Variants in R3HCC1L observed in about 807,000 individuals in gnomAD.
R3HCC1L encodes coiled-coil domain-containing protein R3HCC1L.
A neutral mutation model predicts 59.9 loss-of-function variants in R3HCC1L; 51 were observed. That is an observed-to-expected ratio of 0.85 (90% CI 0.68 to 1.07). The LOEUF (loss-of-function observed/expected upper bound fraction) is 1.07, where lower values mean the gene tolerates loss of function less well. Ranked by LOEUF, R3HCC1L falls within the 50% of genes least tolerant of loss-of-function variation. The pLI is 0.00. For missense variants in R3HCC1L, 965 were observed against 933.0 expected, an observed-to-expected ratio of 1.03 and a Z score of -0.45; for synonymous variants, 322 against 315.2, an observed-to-expected ratio of 1.02 and a Z score of -0.23.
intron 5 of R3HCC1L, among the ~76,000 whole-genome samples, chr10:98,212,000 G>C (rs981255302): frequency 2.6e-5 from 4 of 152,152 alleles, no homozygotes; most frequent in Non-Finnish European, 5.9e-5. Flanking sequence ...TTAAGCTGAA[G>C]ATGGACAGTG....
At chr10:98,210,905 TG>T (rs1463969979) in intron 5 of R3HCC1L, among the ~76,000 whole-genome samples, 1 of 152,188 alleles carries the variant, frequency 6.6e-6, no homozygotes, top group African/African-American at 2.4e-5. Context: ...ATCACATGCC[TG>T]TAAAAGAGCC....
chr10:98,179,634 A>G (rs1447826939), intron 4 of R3HCC1L, among the ~76,000 whole-genome samples: 2 of 152,162 alleles, frequency 1.3e-5, no homozygotes, highest in African/African-American at 2.4e-5. Context: ...TGTCGGAAGG[A>G]ATGGTACCAG....
intron 4 of R3HCC1L, among the ~76,000 whole-genome samples, chr10:98,181,892 T>A (rs1028346157): frequency 3.3e-5 from 5 of 152,338 alleles, no homozygotes; most frequent in African/African-American, 1.2e-4. Flanking sequence ...CTATACTGTT[T>A]ATTCTAGTTA....
rs139123653 is a variant in R3HCC1L, at chr10:98,226,903, T to G, written c.1786-4609T>G. The stretch of plus-strand genomic sequence containing the variant: ...AACAGTTTATGTATTCTGTTTCTCT[T>G]TGGGAGAGACTTGTCATTGTATGGA... On this transcript the variant is annotated intron_variant, in intron 5 of 9. Coordinates refer to ENST00000298999, the MANE Select transcript of R3HCC1L (RefSeq NM_001351015.2). Among the ~76,000 whole-genome samples the G allele has an allele frequency of 4.9e-3, 745 of 152,366 alleles. 11 individuals carry two copies. The highest frequency in any genetic ancestry group is 0.016 in the African/African-American group (684 of 41,584).
chr10:98,159,602 T>A (rs1175529033), intron 2 of R3HCC1L, among the ~76,000 whole-genome samples: 1 of 152,240 alleles, frequency 6.6e-6, no homozygotes, highest in Non-Finnish European at 1.5e-5. Context: ...CTGCCTAATT[T>A]TCATAATGGT....
chr10:98,195,830 T>A (rs1444245901), intron 4 of R3HCC1L, among the ~76,000 whole-genome samples: 1 of 152,202 alleles, frequency 6.6e-6, no homozygotes, highest in Non-Finnish European at 1.5e-5. Context: ...AAATATTAGC[T>A]GCTATATCCA....
chr10:98,230,079 G>A (rs1190153784), intron 5 of R3HCC1L, among the ~76,000 whole-genome samples: 3 of 152,282 alleles, frequency 2.0e-5, no homozygotes, highest in East Asian at 3.9e-4. Context: ...TTGGTATCAG[G>A]ATGATGCTGG....
At chr10:98,166,617 T>C (rs1360434742) in intron 4 of R3HCC1L, among the ~76,000 whole-genome samples, 1 of 152,196 alleles carries the variant, frequency 6.6e-6, no homozygotes, top group Non-Finnish European at 1.5e-5. Context: ...GTTTCTATCA[T>C]TTACTGCTTT....
chr10:98,242,370 C>T (rs1427738693), intron 9 of R3HCC1L, among the ~76,000 whole-genome samples: 2 of 152,130 alleles, frequency 1.3e-5, no homozygotes, highest in Non-Finnish European at 2.9e-5. Flanking sequence ...GTTCAGAATT[C>T]TGAACTTTCC....
At chr10:98,186,836 A>G (rs2134717500) in intron 4 of R3HCC1L, among the ~76,000 whole-genome samples, 1 of 152,238 alleles carries the variant, frequency 6.6e-6, no homozygotes, top group African/African-American at 2.4e-5. Flanking sequence ...GGCAGTCATG[A>G]TTTAGAAATT....
intron 5 of R3HCC1L, among the ~76,000 whole-genome samples, chr10:98,229,654 G>A (rs1463264894): frequency 2.0e-5 from 3 of 152,168 alleles, no homozygotes; most frequent in Admixed American, 1.3e-4. Context: ...TCCCTGTCTT[G>A]TGCCAGTTTT....
intron 4 of R3HCC1L, among the ~76,000 whole-genome samples, chr10:98,190,707 C>T (rs1040319820): frequency 1.2e-4 from 19 of 152,090 alleles, no homozygotes; most frequent in African/African-American, 2.7e-4. Flanking sequence ...ACAACCTGCA[C>T]GTTTGATACA....
At chr10:98,229,458 T>C (rs996972242) in intron 5 of R3HCC1L, among the ~76,000 whole-genome samples, 1 of 152,242 alleles carries the variant, frequency 6.6e-6, no homozygotes, top group Non-Finnish European at 1.5e-5. Context: ...TGAAGTTGCC[T>C]GTCAACTTAA....
chr10:98,166,000 C>G (rs898394342), intron 4 of R3HCC1L, among the ~76,000 whole-genome samples: 1 of 152,176 alleles, frequency 6.6e-6, no homozygotes, highest in African/African-American at 2.4e-5. Context: ...GGTGAAACCC[C>G]ATCTCTACTA....
intron 4 of R3HCC1L, among the ~76,000 whole-genome samples, chr10:98,193,839 A>C (rs1314163054): frequency 2.0e-5 from 3 of 152,176 alleles, no homozygotes; most frequent in African/African-American, 7.2e-5. Context: ...CAAGAAGACC[A>C]ATATTCCTGA....
chr10:98,199,798 C>G (rs1428144778), intron 4 of R3HCC1L, among the ~76,000 whole-genome samples: 1 of 151,900 alleles, frequency 6.6e-6, no homozygotes, highest in Non-Finnish European at 1.5e-5. Flanking sequence ...TATCATTTTT[C>G]TATATGTTTA....
chr10:98,152,705 G>C (rs866472437), intron 1 of R3HCC1L, among the ~76,000 whole-genome samples: 1 of 103,538 alleles, frequency 9.7e-6, no homozygotes, highest in Non-Finnish European at 2.3e-5. Flanking sequence ...GGTGAGGAGC[G>C]TCTCTGCTGG....
At chr10:98,177,409 T>G (rs973974200) in intron 4 of R3HCC1L, among the ~76,000 whole-genome samples, 2 of 152,218 alleles carry the variant, frequency 1.3e-5, no homozygotes, top group Non-Finnish European at 2.9e-5. Context: ...ATGTGCCACA[T>G]TTTCTTAATC....
chr10:98,234,382 T>C, intron 6 of R3HCC1L, 64 bp from the exon 7 acceptor site: 1 of 1,375,926 alleles, frequency 7.3e-7, no homozygotes, highest in Non-Finnish European at 1.0e-6. Context: ...GAGATTCTAT[T>C]TGTGAGATGT....
Sources: gnomAD v4.1 joint callset for allele counts (sites outside exome capture counted in the v4.1 genomes callset) on GRCh38, gnomAD v4.1.1 for gene constraint, MANE v1.5 for transcripts, NCBI Gene and HGNC (gene_info 2026-07-23, HGNC 2026-07-21) for gene names.